Variants in SMC6 observed in about 807,000 individuals in gnomAD.
The protein encoded by SMC6 is structural maintenance of chromosomes protein 6.
A neutral mutation model predicts 142.2 loss-of-function variants in SMC6; 79 were observed. The observed-to-expected ratio is 0.56, with a 90% CI of 0.46 to 0.67. The LOEUF is 0.67. Among genes scored for constraint, SMC6 ranks in the 30% least tolerant of loss-of-function variants. The probability of loss-of-function intolerance (pLI) is 0.00; values close to 1 mark genes in which losing one functional copy is unlikely to be tolerated. For missense variants in SMC6, 1,072 were observed against 1,284.0 expected (o/e 0.83, Z 2.52); for synonymous variants, 411 against 412.4 (o/e 1.00, Z 0.04).
chr2:17,750,206 C>T (rs1670955100), intron 2 of SMC6, among the ~76,000 whole-genome samples: 1 of 152,168 alleles, frequency 6.6e-6, no homozygotes, highest in African/African-American at 2.4e-5. Context: ...ATAGATGAAA[C>T]AGAAAGTAAG....
At chr2:17,691,571 A>C (rs1667728820) in intron 23 of SMC6, among the ~76,000 whole-genome samples, 1 of 151,882 alleles carries the variant, frequency 6.6e-6, no homozygotes, top group African/African-American at 2.4e-5. Context: ...ATCTCAAAAT[A>C]ATAAGAGCTA....
intron 11 of SMC6, among the ~76,000 whole-genome samples, chr2:17,719,407 A>G (rs1669260109): frequency 6.6e-6 from 1 of 152,214 alleles, no homozygotes; most frequent in African/African-American, 2.4e-5. Flanking sequence ...GGTGGTAAGG[A>G]TATAAAGATA....
At chr2:17,710,189 C>T (rs892118570) in intron 16 of SMC6, among the ~76,000 whole-genome samples, 1 of 152,206 alleles carries the variant, frequency 6.6e-6, no homozygotes, top group Admixed American at 6.5e-5. Flanking sequence ...CCAGTAGAGT[C>T]ACCACACAAG....
At chr2:17,740,860 A>C (rs936095541) in intron 4 of SMC6, 3 of 229,758 alleles carry the variant, frequency 1.3e-5, no homozygotes, top group Non-Finnish European at 2.6e-5. Context: ...AAAAAAACAA[A>C]AAACAAAAAA....
rs370626782 is a variant in SMC6, at chr2:17,745,828, A to G, written c.119T>C (p.Leu40Ser). The G allele has an allele frequency of 3.7e-6, 6 of 1,603,890 alleles. No individual in the cohort carries two copies. The highest frequency in any genetic ancestry group is 1.3e-5 in the African/African-American group (1 of 74,480). The change falls in exon 3 of 28, where the codon TTG becomes TCG. Residue 40 changes from leucine to serine, a missense_variant and splice_region_variant. By Grantham distance (145) the Leu-to-Ser change is moderately radical. This residue lies in a region of SMC6 where 994 missense variants were observed against 1,153.2 expected (regional missense o/e 0.86). Coordinates refer to ENST00000448223, the MANE Select transcript of SMC6 (RefSeq NM_001142286.2). ...GDEDECKGTT[L>S]TAAEVGIIES... ...ATAATTTTGTAATTTTTCGCTTACCAAAGTAGTACCTTTACATTCGTCTTC... is the reference window on the plus strand; with the variant it reads ...ATAATTTTGTAATTTTTCGCTTACCGAAGTAGTACCTTTACATTCGTCTTC...
chr2:17,745,501 T>C (rs1170340050), intron 3 of SMC6, among the ~76,000 whole-genome samples: 1 of 152,220 alleles, frequency 6.6e-6, no homozygotes, highest in Non-Finnish European at 1.5e-5. Flanking sequence ...CTGTATTTCC[T>C]TACCCTTTGG....
At position 17,689,986 on chromosome 2, in the gene SMC6, T is replaced by C. The variant is rs77766280; in HGVS notation, c.2678+5166A>G. On this transcript the variant is annotated intron_variant, in intron 23 of 27. Coordinates refer to ENST00000448223, the MANE Select transcript of SMC6 (RefSeq NM_001142286.2). ...AGCCAGCTGTATTTACAATAATGGATGCATGTCTATGGCAATTGGATCTAG... is the reference window on the plus strand; with the variant it reads ...AGCCAGCTGTATTTACAATAATGGACGCATGTCTATGGCAATTGGATCTAG... 9.7e-3 allele frequency among the ~76,000 whole-genome samples: 1,478 copies of C among 152,320 alleles called. 11 individuals are homozygous for C. Among genetic ancestry groups the C allele is most frequent in the South Asian group, 0.039 (188 of 4,828 alleles).
At chr2:17,707,418 T>C (rs759562920) in intron 17 of SMC6, 39 bp from the exon 18 acceptor site, 1 of 1,352,328 alleles carries the variant, frequency 7.4e-7, no homozygotes, top group Admixed American at 2.9e-5. Flanking sequence ...TAAGACGATG[T>C]GAAAATTTTT....
intron 24 of SMC6, among the ~76,000 whole-genome samples, chr2:17,682,938 C>G (rs1223800359): frequency 6.6e-6 from 1 of 150,776 alleles, no homozygotes; most frequent in Non-Finnish European, 1.5e-5. Context: ...GGTGTAAAGA[C>G]AGTTTTAAAA....
chr2:17,746,068 C>T, intron 2 of SMC6, 117 bp from the exon 3 acceptor site: 2 of 1,043,456 alleles, frequency 1.9e-6, no homozygotes, highest in Non-Finnish European at 2.6e-6. Flanking sequence ...CCATTTTTAC[C>T]TTAAAAATTA....
At chr2:17,715,954 A>G in intron 15 of SMC6, 132 bp downstream of exon 15, 2 of 764,676 alleles carry the variant, frequency 2.6e-6, no homozygotes, top group Non-Finnish European at 3.7e-6. Context: ...TATAAAACGA[A>G]AGCTACAAAG....
At chr2:17,705,822 G>C (rs868506190) in intron 18 of SMC6, among the ~76,000 whole-genome samples, 3 of 151,826 alleles carry the variant, frequency 2.0e-5, no homozygotes, top group African/African-American at 7.3e-5. Context: ...TTTTTACATA[G>C]AGAACATGTT....
At chr2:17,697,611 G>C (rs1257395060) in intron 21 of SMC6, among the ~76,000 whole-genome samples, 1 of 151,938 alleles carries the variant, frequency 6.6e-6, no homozygotes, top group Non-Finnish European at 1.5e-5. Flanking sequence ...AAGAGTATTA[G>C]CCATAAGGAA....
intron 24 of SMC6, chr2:17,680,627 T>G (rs1482281405): frequency 1.3e-5 from 2 of 152,180 alleles, no homozygotes; most frequent in African/African-American, 4.8e-5. Flanking sequence ...TCCTTGTATA[T>G]CATATCAGCT....
At chr2:17,670,689 A>C (rs939471234) in intron 25 of SMC6, 114 bp from the exon 26 acceptor site, 1 of 1,079,136 alleles carries the variant, frequency 9.3e-7, no homozygotes, top group Non-Finnish European at 1.3e-6. Context: ...ATGGGAATAA[A>C]ATGACTTAGT....
chr2:17,695,176 T>C lies in SMC6; in HGVS notation c.2654A>G (p.His885Arg). 5 of 1,613,534 alleles carry C rather than the reference T, an allele frequency of 3.1e-6. No individual in the cohort carries two copies. The highest frequency in any genetic ancestry group is 4.2e-6 in the Non-Finnish European group (5 of 1,179,796). The change falls in exon 23 of 28, where the codon CAT becomes CGT. Residue 885 changes from histidine to arginine, a missense_variant. By Grantham distance (29) the His-to-Arg change is conservative. Around this residue, in one of 3 missense-constraint regions of SMC6, gnomAD observed 994 missense variants for 1,153.2 expected, o/e 0.86. Coordinates refer to ENST00000448223, the MANE Select transcript of SMC6 (RefSeq NM_001142286.2). Reference sequence around the variant, plus strand: ...CCTCATTATTTCCTCTCGATCTCCATGACTAGCATGTTCTGCCTGTATCTT... The same window carrying C: ...CCTCATTATTTCCTCTCGATCTCCACGACTAGCATGTTCTGCCTGTATCTT... Reference protein sequence around the residue: ...RQKIQAEHASHGDREEIMRQY... With the variant: ...RQKIQAEHASRGDREEIMRQY...
chr2:17,753,509 C>G (rs967377896), intron 1 of SMC6, 117 bp downstream of exon 1: 2 of 152,372 alleles, frequency 1.3e-5, no homozygotes, highest in African/African-American at 4.8e-5. Flanking sequence ...ATGAACACCG[C>G]CGCAGCTCAG....
intron 25 of SMC6, among the ~76,000 whole-genome samples, chr2:17,678,606 G>GAAA (rs544540923): frequency 8.0e-6 from 1 of 124,324 alleles, no homozygotes; most frequent in Non-Finnish European, 1.7e-5. Context: ...TGTCTATACG[G>GAAA]AAAAAAAAAA....
intron 12 of SMC6, among the ~76,000 whole-genome samples, chr2:17,717,686 A>T (rs2011820): frequency 0.49 from 74,190 of 151,174 alleles, 20,370 homozygotes; most frequent in African/African-American, 0.72. Flanking sequence ...AATAATAATT[A>T]AAAAAATAGA....
Sources: gnomAD v4.1 joint callset for allele counts (sites outside exome capture counted in the v4.1 genomes callset) on GRCh38, gnomAD v4.1.1 for gene constraint, gnomAD v4.1.1 regional missense constraint, MANE v1.5 for transcripts, NCBI Gene and HGNC (gene_info 2026-07-23, HGNC 2026-07-21) for gene names.